Variants in NCOA2 observed in about 807,000 individuals in gnomAD.
The protein encoded by NCOA2 is nuclear receptor coactivator 2, also known as class E basic helix-loop-helix protein 75.
Under a neutral mutation model 145.1 loss-of-function variants are expected in NCOA2, and 21 were observed. The observed-to-expected ratio is 0.14, with a 90% confidence interval of 0.10 to 0.21. The LOEUF is 0.21. Ranked by LOEUF, NCOA2 falls within the 10% of genes least tolerant of loss-of-function variation. NCOA2 has a pLI of 1.00. For synonymous variants in NCOA2, 619 were observed against 637.5 expected, an observed-to-expected ratio of 0.97 and a Z score of 0.44; for missense variants, 1,472 against 1,837.6, an observed-to-expected ratio of 0.80 and a Z score of 3.64.
Position 70,141,376 on chromosome 8 carries a change from G to A in NCOA2, c.2836C>T (p.Arg946Trp), listed in dbSNP as rs369185597. The stretch of plus-strand genomic sequence containing the variant: ...CATTCTCCAGATGGCATAGTAGGCC[G>A]AGAAGCACTGTTACCAATCATTCCT... ...STGMIGNSAS[R>W]PTMPSGEWAP... The change falls in exon 14 of 23, where the codon CGG becomes TGG. Residue 946 changes from arginine (R) to tryptophan (W), a missense_variant. This residue lies in a region of NCOA2 where 953 missense variants were observed against 1,062.1 expected (regional missense o/e 0.90). Transcript: ENST00000452400. 3.3e-5 allele frequency: 53 copies of A among 1,613,750 alleles called. No homozygotes were observed. Among genetic ancestry groups the A allele is most frequent in the Non-Finnish European group, 4.3e-5 (51 of 1,179,792 alleles).
chr8:70,192,920 A>C (rs765613744), intron 4 of NCOA2, among the ~76,000 whole-genome samples: 12 of 152,000 alleles, frequency 7.9e-5, no homozygotes, highest in Non-Finnish European at 1.2e-4. Context: ...TACGAAAATT[A>C]GCCGGGCATG....
intron 19 of NCOA2, 60 bp from the exon 20 acceptor site, chr8:70,124,925 T>G: frequency 7.0e-7 from 1 of 1,437,538 alleles, no homozygotes; most frequent in Non-Finnish European, 9.3e-7. Flanking sequence ...TTGTAGAGAC[T>G]GGTGGGGGGG....
intron 8 of NCOA2, 119 bp from the exon 9 acceptor site, chr8:70,162,973 G>A (rs1389540342): frequency 1.1e-5 from 11 of 1,035,650 alleles, no homozygotes; most frequent in Non-Finnish European, 1.5e-5. Context: ...GGAGTGCAGT[G>A]GTGCGATCTC....
chr8:70,233,172 G>A (rs1821298354), intron 2 of NCOA2, among the ~76,000 whole-genome samples: 1 of 151,900 alleles, frequency 6.6e-6, no homozygotes, highest in Non-Finnish European at 1.5e-5. Context: ...GTTGCAGTGA[G>A]CTGAGATCGC....
chr8:70,151,137 A>G (rs1585853815), intron 11 of NCOA2, among the ~76,000 whole-genome samples: 1 of 152,222 alleles, frequency 6.6e-6, no homozygotes, highest in East Asian at 1.9e-4. Flanking sequence ...GATTACTTTT[A>G]AGAGAAATAT....
chr8:70,295,906 C>T (rs1277538532), intron 2 of NCOA2, among the ~76,000 whole-genome samples: 2 of 152,190 alleles, frequency 1.3e-5, no homozygotes, highest in African/African-American at 4.8e-5. Context: ...GATTGCACCA[C>T]TGCACTCCAG....
At chr8:70,330,619 T>C (rs541010669) in intron 1 of NCOA2, among the ~76,000 whole-genome samples, 1 of 149,592 alleles carries the variant, frequency 6.7e-6, no homozygotes, top group African/African-American at 2.4e-5. Context: ...GAATGTCAAT[T>C]AGTAAAAACA....
intron 18 of NCOA2, 44 bp from the exon 19 acceptor site, chr8:70,127,091 CAT>C: frequency 7.1e-7 from 1 of 1,408,328 alleles, no homozygotes; most frequent in Non-Finnish European, 9.9e-7. Context: ...CGGGGACAGA[CAT>C]AGATTAAAAA....
intron 2 of NCOA2, among the ~76,000 whole-genome samples, chr8:70,285,896 A>G (rs1826198189): frequency 6.6e-6 from 1 of 152,194 alleles, no homozygotes. Context: ...ATTTTTGGAA[A>G]TATATAGTTT....
chr8:70,264,268 G>A (rs909413523), intron 2 of NCOA2, among the ~76,000 whole-genome samples: 8 of 150,676 alleles, frequency 5.3e-5, no homozygotes, highest in African/African-American at 9.8e-5. Flanking sequence ...TTCTAACCCC[G>A]CCACTTTGGG....
At chr8:70,419,997 C>T in the NCOA2 span, among the ~76,000 whole-genome samples, 2 of 152,140 alleles carry the variant, frequency 1.3e-5, no homozygotes, top group Non-Finnish European at 2.9e-5. Context: ...CTCTGGCAAG[C>T]GTATATGTCA....
intron 1 of NCOA2, among the ~76,000 whole-genome samples, chr8:70,376,781 C>T (rs116638669): frequency 0.02 from 3,068 of 152,262 alleles, 132 homozygotes; most frequent in African/African-American, 0.07. Flanking sequence ...CAACACAACA[C>T]TTATTTATTA....
intron 1 of NCOA2, among the ~76,000 whole-genome samples, chr8:70,337,480 A>G (rs1027856544): frequency 1.3e-5 from 2 of 152,182 alleles, no homozygotes; most frequent in South Asian, 2.1e-4. Context: ...GATCCTATAC[A>G]TAATAGCTGT....
intron 1 of NCOA2, among the ~76,000 whole-genome samples, chr8:70,334,526 A>G (rs908492378): frequency 2.0e-5 from 3 of 152,146 alleles, no homozygotes; most frequent in African/African-American, 2.4e-5. Context: ...TTGATACTGC[A>G]TATCACTCGA....
At chr8:70,203,261 CAA>C (rs34990647) in intron 4 of NCOA2, among the ~76,000 whole-genome samples, 1 of 121,956 alleles carries the variant, frequency 8.2e-6, no homozygotes, top group Non-Finnish European at 1.6e-5. Flanking sequence ...GACTCTGTCT[CAA>C]AAAAAAAAAG....
At chr8:70,274,865 TGAAGATG>T (rs1825353614) in intron 2 of NCOA2, among the ~76,000 whole-genome samples, 4 of 152,182 alleles carry the variant, frequency 2.6e-5, no homozygotes, top group African/African-American at 9.7e-5. Flanking sequence ...CTGTTACCAC[TGAAGATG>T]CTCGCTCACT....
chr8:70,266,956 G>T (rs957242872), intron 2 of NCOA2, among the ~76,000 whole-genome samples: 2 of 152,130 alleles, frequency 1.3e-5, no homozygotes, highest in East Asian at 3.9e-4. Flanking sequence ...TGTGTTTAGG[G>T]TTCAACATTC....
At chr8:70,138,406 G>T in intron 14 of NCOA2, 74 bp from the exon 15 acceptor site, 1 of 1,361,356 alleles carries the variant, frequency 7.3e-7, no homozygotes, top group South Asian at 1.6e-5. Context: ...AATATAAAGT[G>T]AAATGTCTGG....
At chr8:70,412,674 A>G in the NCOA2 span, among the ~76,000 whole-genome samples, 1 of 148,102 alleles carries the variant, frequency 6.8e-6, no homozygotes, top group Non-Finnish European at 1.5e-5. Flanking sequence ...AAAAAAAACT[A>G]GAATCTAATA....
Sources: gnomAD v4.1 joint callset for allele counts (sites outside exome capture counted in the v4.1 genomes callset) on GRCh38, gnomAD v4.1.1 for gene constraint, gnomAD v4.1.1 regional missense constraint, MANE v1.5 for transcripts, NCBI Gene and HGNC (gene_info 2026-07-23, HGNC 2026-07-21) for gene names.